RIPOR1: variants seen among roughly 807,000 people sequenced by gnomAD.
RIPOR1 encodes rho family-interacting cell polarization regulator 1.
RIPOR1 carries 58 observed loss-of-function variants against 116.5 expected under a neutral mutation model. The observed-to-expected ratio is 0.50, with a 90% CI of 0.40 to 0.62. RIPOR1 has a LOEUF of 0.62. Among genes scored for constraint, RIPOR1 ranks in the 20% least tolerant of loss-of-function variants. The pLI, the probability that RIPOR1 is intolerant of heterozygous loss-of-function variation, is 0.00. For synonymous variants in RIPOR1, 605 were observed against 650.0 expected (o/e 0.93, Z 1.05); for missense variants, 1,372 against 1,586.2 (o/e 0.86, Z 2.29).
Position 67,541,858 on chromosome 16 carries a change from C to T in RIPOR1, c.1081-9C>T, listed in dbSNP as rs752229207. 8.7e-6 allele frequency: 14 copies of T among 1,611,006 alleles called. No homozygotes were observed. The highest frequency in any genetic ancestry group is 4.5e-5 in the East Asian group (2 of 44,828). On this transcript the variant is annotated splice_polypyrimidine_tract_variant and intron_variant, in intron 12 of 21. Transcript: ENST00000042381. This position sits in a 1 kb window ranked among gnomAD's most constrained non-coding sequence, Gnocchi z 4.6. ...GGGTGGTTCTGAAATGCCCTCTCCT[C>T]TTTCTCAGAACATGCTGCGACGGCA...
chr16:67,534,160 A>C (rs2050735268), intron 1 of RIPOR1, among the ~76,000 whole-genome samples: 3 of 150,630 alleles, frequency 2.0e-5, no homozygotes, highest in African/African-American at 7.4e-5. Flanking sequence ...TTAAGAAAGA[A>C]TCTTGCTCTA....
intron 1 of RIPOR1, among the ~76,000 whole-genome samples, chr16:67,519,279 C>CAA (rs56349474): frequency 0.14 from 12,180 of 89,666 alleles, 916 homozygotes; most frequent in Middle Eastern, 0.26. Flanking sequence ...GACTCTGTTT[C>CAA]AAAAAAAAAA....
intron 4 of RIPOR1, 129 bp downstream of exon 4, chr16:67,539,197 C>T (rs1049723148): frequency 1.4e-5 from 11 of 771,350 alleles, no homozygotes; most frequent in Non-Finnish European, 2.1e-5. Context: ...AAGGGGATAT[C>T]AGGAAAGGCT....
Position 67,539,047 on chromosome 16 carries a change from G to T in RIPOR1, c.315G>T (p.Glu105Asp). The T allele has an allele frequency of 6.2e-7, 1 of 1,613,182 alleles. No individual in the cohort carries two copies. Among genetic ancestry groups the T allele is most frequent in the East Asian group, 2.2e-5 (1 of 44,870 alleles). ...AGAAACTCCAGGGGCAGATAAGGGA[G>T]TCCAAGAGGAATTCCCGCTTGGTGA... is the stretch of plus-strand genomic sequence containing the variant. Reference protein sequence around the residue: ...EQEKLQGQIRESKRNSRLGFL... With the variant: ...EQEKLQGQIRDSKRNSRLGFL... Residue 105 changes from glutamate (E) to aspartate (D), a missense_variant, in exon 4 of 22, where the codon GAG (glutamate) becomes GAT (aspartate). Coordinates refer to ENST00000042381, the MANE Select transcript of RIPOR1 (RefSeq NM_024519.4).
upstream of RIPOR1, among the ~76,000 whole-genome samples, chr16:67,525,219 A>G (rs2050529499): frequency 6.6e-6 from 1 of 151,882 alleles, no homozygotes; most frequent in African/African-American, 2.4e-5. Flanking sequence ...AGTCCCACAC[A>G]CTCACATACA....
intron 1 of RIPOR1, among the ~76,000 whole-genome samples, chr16:67,536,099 G>A (rs1371753677): frequency 1.3e-5 from 2 of 152,140 alleles, no homozygotes; most frequent in Admixed American, 6.5e-5. Flanking sequence ...CCAAGGTCAA[G>A]GGAGGGATGG....
chr16:67,527,087 G>T (rs1054378778), upstream of RIPOR1, among the ~76,000 whole-genome samples: 1 of 152,192 alleles, frequency 6.6e-6, no homozygotes, highest in Non-Finnish European at 1.5e-5. Flanking sequence ...ATAAAGAGAA[G>T]AACTCAGCCC....
chr16:67,529,585 G>A lies in RIPOR1; in HGVS notation c.-24+671G>A, dbSNP rs973178054. On this transcript the variant is annotated intron_variant, in intron 1 of 21. Transcript: ENST00000042381. This position sits in a 1 kb window ranked among gnomAD's most constrained non-coding sequence, Gnocchi z 4.1. ...GTTTGGGCAAGGGGCTGCTCACCAG[G>A]GCTAGAGGTCGGATTCAGTCCAGAT... 2 of 598,476 alleles carry A rather than the reference G, an allele frequency of 3.3e-6. No individual in the cohort carries two copies. Among genetic ancestry groups the A allele is most frequent in the African/African-American group, 3.7e-5 (2 of 53,478 alleles). The allele number at this position is 598,476 out of a possible 1,614,324, so 37.1% of individuals were successfully genotyped here. A position where few individuals can be genotyped will look rare whatever the true frequency, so the allele number is the denominator to read the frequency against.
chr16:67,524,060 CA>C (rs1167793428), upstream of RIPOR1, among the ~76,000 whole-genome samples: 4 of 151,326 alleles, frequency 2.6e-5, no homozygotes, highest in African/African-American at 9.7e-5. Context: ...ATCTCAGAGG[CA>C]AACAAAAAAA....
chr16:67,524,459 T>C (rs2050523927), upstream of RIPOR1, among the ~76,000 whole-genome samples: 1 of 152,178 alleles, frequency 6.6e-6, no homozygotes, highest in East Asian at 1.9e-4. Context: ...GGTGACCCAG[T>C]TGACCACTGT....
chr16:67,519,834 G>A (rs1373427740), intron 1 of RIPOR1, among the ~76,000 whole-genome samples: 1 of 151,032 alleles, frequency 6.6e-6, no homozygotes, highest in Non-Finnish European at 1.5e-5. Flanking sequence ...GGCCGAGGCA[G>A]ATGGATCACC....
chr16:67,540,369 G>A lies in RIPOR1; in HGVS notation c.631+6G>A, dbSNP rs771151604. ...GTTTCATCTCCGAATGAAAGGTACT[G>A]AGTTGTGGGGGCAGGTGGGGGGCTG... On this transcript the variant is annotated splice_donor_region_variant and intron_variant, in intron 8 of 21. Coordinates refer to ENST00000042381, the MANE Select transcript of RIPOR1 (RefSeq NM_024519.4). This position sits in a 1 kb window ranked among gnomAD's most constrained non-coding sequence, Gnocchi z 4.7. The A allele has an allele frequency of 1.2e-6, 2 of 1,614,184 alleles. No homozygotes were observed. Among genetic ancestry groups the A allele is most frequent in the African/African-American group, 2.7e-5 (2 of 75,036 alleles).
chr16:67,546,020 A>C lies in RIPOR1; in HGVS notation c.3459A>C (p.Leu1153=). The change falls in exon 20 of 22, where the codon CTA becomes CTC. Residue 1153 remains leucine (L), a synonymous_variant. Transcript: ENST00000042381. ...VQTRVAGCLA[L]GCIKAPEGIE... is the part of the protein sequence containing the mutation. Reference sequence around the variant, plus strand: ...CTCGAGTGGCTGGCTGCCTGGCCCTAGGCTGCATCAAGGTGACCCCTGCCA... The same window carrying C: ...CTCGAGTGGCTGGCTGCCTGGCCCTCGGCTGCATCAAGGTGACCCCTGCCA... The C allele has an allele frequency of 6.2e-7, 1 of 1,613,158 alleles. No individual in the cohort carries two copies. Among genetic ancestry groups the C allele is most frequent in the Non-Finnish European group, 8.5e-7 (1 of 1,179,960 alleles).
chr16:67,527,558 C>T (rs1037006286), upstream of RIPOR1, among the ~76,000 whole-genome samples: 1 of 151,900 alleles, frequency 6.6e-6, no homozygotes, highest in Admixed American at 6.6e-5. Context: ...GTCTGAGCAA[C>T]ATGAAGAAAG....
rs1419725961 is a variant in RIPOR1 at position 67,538,502 on chromosome 16, G to A, written c.56G>A (p.Arg19Lys). Residue 19 changes from arginine to lysine, a missense_variant, in exon 2 of 22, where the codon AGG (arginine) becomes AAG (lysine). Arg to Lys is a conservative substitution (Grantham distance 26). Coordinates refer to ENST00000042381, the MANE Select transcript of RIPOR1 (RefSeq NM_024519.4). ...QRRLLSARVN[R>K]SQSFAGVLGS... The stretch of plus-strand genomic sequence containing the variant: ...CGTCTGCTCAGCGCCCGGGTCAATA[G>A]GAGCCAGTCCTTCGCAGGCGTCCTC... The A allele has an allele frequency of 1.2e-6, 2 of 1,612,176 alleles. No individual in the cohort carries two copies. The highest frequency in any genetic ancestry group is 1.7e-6 in the Non-Finnish European group (2 of 1,179,492).
At position 67,531,507 on chromosome 16, in the gene RIPOR1, C is replaced by T; in HGVS notation, c.-24+2593C>T. On this transcript the variant is annotated intron_variant, in intron 1 of 21. Coordinates refer to ENST00000042381, the MANE Select transcript of RIPOR1 (RefSeq NM_024519.4). The surrounding 1 kb of genome is among the most constrained non-coding windows in gnomAD (Gnocchi z 4.2). Reference sequence around the variant, plus strand: ...TCAAAAAGGGGGAACCAACCCAGGGCCTGCTTCCTGGAGGAAGAAGTCATA... The same window carrying T: ...TCAAAAAGGGGGAACCAACCCAGGGTCTGCTTCCTGGAGGAAGAAGTCATA... 1 of 399,408 alleles carries T rather than the reference C, an allele frequency of 2.5e-6. No individual in the cohort carries two copies. Among genetic ancestry groups the T allele is most frequent in the Non-Finnish European group, 5.1e-6 (1 of 197,962 alleles). The allele number at this position is 399,408 out of a possible 1,614,324, so 24.7% of individuals were successfully genotyped here.
intron 1 of RIPOR1, among the ~76,000 whole-genome samples, chr16:67,532,513 C>CCCA (rs1168783040): frequency 3.9e-5 from 6 of 152,200 alleles, no homozygotes; most frequent in Admixed American, 6.5e-5. Flanking sequence ...ACGTCCCTAC[C>CCCA]CCACATACAA....
At position 67,543,626 on chromosome 16, in the gene RIPOR1, G is replaced by A. The variant is rs2051070333; in HGVS notation, c.2600+157G>A. 5.9e-6 allele frequency: 6 copies of A among 1,016,988 alleles called. No individual in the cohort carries two copies. Among genetic ancestry groups the A allele is most frequent in the East Asian group, 5.2e-5 (2 of 38,206 alleles). The allele number at this position is 1,016,988 out of a possible 1,614,324, so 63.0% of individuals were successfully genotyped here. A position where few individuals can be genotyped will look rare whatever the true frequency, so the allele number is the denominator to read the frequency against. On this transcript the variant is annotated intron_variant, in intron 14 of 21. Coordinates refer to ENST00000042381, the MANE Select transcript of RIPOR1 (RefSeq NM_024519.4). The surrounding 1 kb of genome is among the most constrained non-coding windows in gnomAD (Gnocchi z 4.7). ...CATGTGAGGACTGAGTTGCTGGCAG[G>A]TGCACCTGTGTCCACCCCTCCCATG...
Position 67,541,279 on chromosome 16 carries a change from A to C in RIPOR1, c.802-151A>C. 1 of 714,030 alleles carries C rather than the reference A, an allele frequency of 1.4e-6. No individual in the cohort carries two copies. 44.2% of individuals were successfully genotyped at this position (714,030 alleles called of 1,614,324 possible). A position where few individuals can be genotyped will look rare whatever the true frequency, so the allele number is the denominator to read the frequency against. ...GAGACAGAGTCTTGCCATGTTGCCC[A>C]AGCTGGTCTTGAACTCCTGGCCTTA... On this transcript the variant is annotated intron_variant, in intron 10 of 21. Transcript: ENST00000042381. The surrounding 1 kb of genome is among the most constrained non-coding windows in gnomAD (Gnocchi z 4.6).
Sources: allele counts gnomAD v4.1 joint callset (sites outside exome capture counted in the v4.1 genomes callset), GRCh38; gene constraint gnomAD v4.1.1; non-coding constraint Gnocchi (gnomAD v3.1); transcripts MANE v1.5; gene names NCBI Gene and HGNC (gene_info 2026-07-23, HGNC 2026-07-21).